MORN1: variants seen among roughly 807,000 people sequenced by gnomAD.
The protein encoded by MORN1 is MORN repeat containing 1, also known as MORN repeat-containing protein 1.
In MORN1, 67 loss-of-function variants were observed where a neutral mutation model predicts 61.9. The ratio of observed to expected loss-of-function variants is 1.08; its 90% CI spans 0.89 to 1.33. The LOEUF (loss-of-function observed/expected upper bound fraction) is 1.33, where lower values mean the gene tolerates loss of function less well. Ranked by LOEUF, MORN1 falls within the 40% of genes most tolerant of loss-of-function variation. The pLI is 0.00. For missense variants in MORN1, 752 were observed against 691.2 expected (o/e 1.09, Z -0.99); for synonymous variants, 301 against 292.0 (o/e 1.03, Z -0.31).
chr1:2,385,822 C>A lies in MORN1; in HGVS notation c.434G>T (p.Gly145Val). ...TCATACTCACTGAAAGAGCATCTGC[C>A]CAGGGCCGTGCCTCTTGTTGTCATG... ...SFHDNKRHGP[G>V]QMLFQNGDKY... Residue 145 changes from glycine to valine, a missense_variant, in exon 5 of 14, where the codon GGG becomes GTG. Gly to Val is a moderately radical substitution (Grantham distance 109). Transcript: ENST00000378531. 1.2e-6 allele frequency: 2 copies of A among 1,613,898 alleles called. No homozygotes were observed. The highest frequency in any genetic ancestry group is 1.7e-6 in the Non-Finnish European group (2 of 1,179,984).
At chr1:2,325,741 C>T (rs903495494) in intron 12 of MORN1, among the ~76,000 whole-genome samples, 4 of 150,742 alleles carry the variant, frequency 2.7e-5, no homozygotes, top group Non-Finnish European at 5.9e-5. Flanking sequence ...GCAGACTCAA[C>T]CTCCCAAGTA....
chr1:2,356,849 GA>G (rs1182347884), intron 10 of MORN1, among the ~76,000 whole-genome samples: 1 of 152,236 alleles, frequency 6.6e-6, no homozygotes, highest in East Asian at 1.9e-4. Context: ...TGATCCCTGT[GA>G]AGTCTAGGCC....
chr1:2,335,756 A>C (rs1051616897), intron 12 of MORN1, among the ~76,000 whole-genome samples: 1 of 151,350 alleles, frequency 6.6e-6, no homozygotes. Flanking sequence ...GCTCCTCCAC[A>C]GTGTGCGGGG....
In MORN1 at chr1:2,357,381, C is replaced by T. The variant is rs957731717; in HGVS notation, c.1036+51G>A. 5.2e-6 allele frequency: 8 copies of T among 1,528,632 alleles called. No homozygotes were observed. The highest frequency in any genetic ancestry group is 2.8e-5 in the African/African-American group (2 of 72,346). 94.7% of individuals were successfully genotyped at this position (1,528,632 alleles called of 1,614,324 possible). The stretch of plus-strand genomic sequence containing the variant: ...CCCCATGACCCCACCCCCACCTTGA[C>T]TGCTGGGCCTGGGCCCACCCACCCC... On this transcript the variant is annotated intron_variant, in intron 10 of 13. Coordinates refer to ENST00000378531, the MANE Select transcript of MORN1 (RefSeq NM_024848.3). The surrounding 1 kb of genome is among the most constrained non-coding windows in gnomAD (Gnocchi z 6.3).
intron 8 of MORN1, among the ~76,000 whole-genome samples, chr1:2,369,779 C>G (rs1448241847): frequency 6.6e-6 from 1 of 152,110 alleles, no homozygotes; most frequent in Non-Finnish European, 1.5e-5. Flanking sequence ...ATAGCTTTCA[C>G]AAAGAAGTGC....
chr1:2,322,110 G>A (rs1640894724), intron 13 of MORN1: 1 of 985,448 alleles, frequency 1.0e-6, no homozygotes, highest in South Asian at 4.7e-5. Flanking sequence ...TCCGGGTGGG[G>A]CTGGAGGGCG....
Position 2,389,934 on chromosome 1 carries a change from T to G in MORN1, c.139A>C (p.Arg47=). Residue 47 remains arginine, a synonymous_variant, in exon 2 of 14, where the codon AGG becomes CGG. Transcript: ENST00000378531. ...CACAGATGCTTCTCACCGTGCTTCCTCCCTGCTTTCCATTCTCCTTCATAT... is the reference window on the plus strand; with the variant it reads ...CACAGATGCTTCTCACCGTGCTTCCGCCCTGCTTTCCATTCTCCTTCATAT... The part of the protein sequence containing the change: ...FRYEGEWKAG[R]KHGHGKLLFK... 1 of 1,614,058 alleles carries G rather than the reference T, an allele frequency of 6.2e-7. No homozygotes were observed. Among genetic ancestry groups the G allele is most frequent in the Non-Finnish European group, 8.5e-7 (1 of 1,179,942 alleles).
intron 10 of MORN1, among the ~76,000 whole-genome samples, chr1:2,356,423 A>T (rs552982786): frequency 2.0e-5 from 3 of 152,254 alleles, no homozygotes; most frequent in Non-Finnish European, 4.4e-5. Context: ...AGCCTCTCAG[A>T]TCTGCCCTGT....
At chr1:2,348,725 G>GCACACACACGCGCA (rs778268074) in intron 10 of MORN1, among the ~76,000 whole-genome samples, 2 of 133,470 alleles carry the variant, frequency 1.5e-5, no homozygotes, top group South Asian at 4.9e-4. Context: ...GCGCGGGCAC[G>GCACACACACGCGCA]CACACGCACA....
At chr1:2,335,828 T>TAGCCCGGCCCGGCCCAGCCC (rs138508948) in intron 12 of MORN1, among the ~76,000 whole-genome samples, 3 of 143,014 alleles carry the variant, frequency 2.1e-5, no homozygotes, top group African/African-American at 9.1e-5. Context: ...CTCGCCTCCA[T>TAGCCCGGCCCGGCCCAGCCC]AGCCCAGCCC....
At chr1:2,321,652 A>G in intron 13 of MORN1, 73 bp from the exon 14 acceptor site, 3 of 1,415,916 alleles carry the variant, frequency 2.1e-6, no homozygotes, top group Non-Finnish European at 2.8e-6. Flanking sequence ...CCCACTGCCC[A>G]CTGTCTCATG....
intron 8 of MORN1, among the ~76,000 whole-genome samples, chr1:2,364,608 C>T (rs58583111): frequency 1.3e-5 from 2 of 150,488 alleles, no homozygotes; most frequent in East Asian, 1.9e-4. Context: ...CCATTGCTTT[C>T]GGTGTTTTAG....
intron 12 of MORN1, chr1:2,332,528 G>C: frequency 2.2e-6 from 1 of 445,444 alleles, no homozygotes; most frequent in Non-Finnish European, 4.5e-6. Context: ...CAGGCCGCTA[G>C]GACCTGGGCT....
chr1:2,335,710 G>A (rs983024705), intron 12 of MORN1, among the ~76,000 whole-genome samples: 4 of 152,132 alleles, frequency 2.6e-5, no homozygotes, highest in South Asian at 2.1e-4. Context: ...GGGTGGGAGC[G>A]GGGCGGGTGC....
intron 6 of MORN1, 22 bp from the exon 7 acceptor site, chr1:2,374,579 T>G (rs1453834991): frequency 1.9e-6 from 3 of 1,567,680 alleles, no homozygotes; most frequent in Non-Finnish European, 1.7e-6. Context: ...AGGGTGAGGC[T>G]CAGGCTGGTG....
intron 13 of MORN1, chr1:2,323,137 C>T (rs1342775323): frequency 1.6e-4 from 157 of 985,302 alleles, no homozygotes; most frequent in Non-Finnish European, 1.8e-4. Context: ...CCTGGGATGG[C>T]TGGGACGCGG....
At chr1:2,378,897 C>A in intron 6 of MORN1, 2 of 455,468 alleles carry the variant, frequency 4.4e-6, no homozygotes, top group Non-Finnish European at 8.8e-6. Context: ...CCGGGACCGG[C>A]CTGAGCCGCG....
chr1:2,339,709 C>T (rs555250495), intron 10 of MORN1, among the ~76,000 whole-genome samples: 4 of 152,320 alleles, frequency 2.6e-5, no homozygotes, highest in Non-Finnish European at 4.4e-5. Context: ...GGGTCCCCCT[C>T]GCCCTTCAGT....
chr1:2,368,690 A>G lies in MORN1; in HGVS notation c.745+3791T>C, dbSNP rs189135850. On this transcript the variant is annotated intron_variant, in intron 8 of 13. Transcript: ENST00000378531. ...CATAGCACACAAAAAGATGCTCAAC[A>G]TCATTAGCCTTTAGGGAAATGTAAA... is the stretch of plus-strand genomic sequence containing the variant. Among the ~76,000 whole-genome samples the G allele has an allele frequency of 3.9e-3, 592 of 152,304 alleles. 19 individuals are homozygous for G. The highest frequency in any genetic ancestry group is 5.0e-4 in the Non-Finnish European group (34 of 68,030).
Sources: gnomAD v4.1 joint callset for allele counts (sites outside exome capture counted in the v4.1 genomes callset) on GRCh38, gnomAD v4.1.1 for gene constraint, Gnocchi (gnomAD v3.1) non-coding constraint, MANE v1.5 for transcripts, NCBI Gene and HGNC (gene_info 2026-07-23, HGNC 2026-07-21) for gene names.